Variants in PCSK2 observed in about 807,000 individuals in gnomAD.
The protein encoded by PCSK2 is neuroendocrine convertase 2.
In PCSK2, 14 loss-of-function variants were observed where a neutral mutation model predicts 69.7. That is an observed-to-expected ratio of 0.20 (90% CI 0.13 to 0.31). The LOEUF is 0.31. Among genes scored for constraint, PCSK2 ranks in the 10% least tolerant of loss-of-function variants. PCSK2 has a pLI of 1.00. For synonymous variants in PCSK2, 307 were observed against 320.7 expected, an observed-to-expected ratio of 0.96 and a Z score of 0.46; for missense variants, 544 against 842.5, an observed-to-expected ratio of 0.65 and a Z score of 4.39.
At chr20:17,465,638 T>A in intron 11 of PCSK2, 85 bp downstream of exon 11, 2 of 813,970 alleles carry the variant, frequency 2.5e-6, no homozygotes, top group Non-Finnish European at 3.9e-6. Context: ...TCACATTCCC[T>A]CTTCATGTTT....
At chr20:17,276,590 T>C (rs959802028) in intron 2 of PCSK2, among the ~76,000 whole-genome samples, 2 of 152,118 alleles carry the variant, frequency 1.3e-5, no homozygotes, top group African/African-American at 2.4e-5. Context: ...TATTTACAGC[T>C]GAGCCATTTA....
At chr20:17,238,624 A>G (rs1352457804) in intron 1 of PCSK2, among the ~76,000 whole-genome samples, 5 of 152,166 alleles carry the variant, frequency 3.3e-5, no homozygotes, top group Admixed American at 1.3e-4. Flanking sequence ...TGGATGAGAT[A>G]GACAACTAGA....
intron 1 of PCSK2, among the ~76,000 whole-genome samples, chr20:17,246,366 C>T (rs1340041168): frequency 1.3e-5 from 2 of 152,046 alleles, no homozygotes; most frequent in East Asian, 1.9e-4. Context: ...TGGGTTGGAG[C>T]GGCTCTATTA....
chr20:17,434,938 A>G (rs2123348004), intron 7 of PCSK2, among the ~76,000 whole-genome samples: 1 of 152,346 alleles, frequency 6.6e-6, no homozygotes, highest in South Asian at 2.1e-4. Flanking sequence ...ATAAATAAAA[A>G]CATAGGTGGA....
chr20:17,358,257 A>C, intron 2 of PCSK2, 70 bp from the exon 3 acceptor site: 10 of 998,584 alleles, frequency 1.0e-5, no homozygotes, highest in Non-Finnish European at 1.6e-5. Context: ...ATTTGGATTC[A>C]TGGAAACAAA....
intron 2 of PCSK2, among the ~76,000 whole-genome samples, chr20:17,287,987 T>C (rs146733679): frequency 3.3e-5 from 5 of 152,314 alleles, no homozygotes; most frequent in Non-Finnish European, 2.9e-5. Context: ...TGTTTTTCCT[T>C]TCTGTCCCAG....
intron 6 of PCSK2, among the ~76,000 whole-genome samples, chr20:17,418,384 C>T (rs62201049): frequency 6.6e-6 from 1 of 151,878 alleles, no homozygotes; most frequent in Non-Finnish European, 1.5e-5. Flanking sequence ...TATCCCAGGG[C>T]AAGGATATAA....
At chr20:17,261,648 A>G (rs950237009) in intron 2 of PCSK2, among the ~76,000 whole-genome samples, 27 of 152,188 alleles carry the variant, frequency 1.8e-4, no homozygotes, top group Admixed American at 2.6e-4. Context: ...ATTCTATGTG[A>G]TAATAACCTT....
chr20:17,270,717 T>C (rs1175929805), intron 2 of PCSK2, among the ~76,000 whole-genome samples: 1 of 152,130 alleles, frequency 6.6e-6, no homozygotes, highest in East Asian at 1.9e-4. Flanking sequence ...AGAATCAACA[T>C]GAGAAAGTTT....
rs530398044 is a variant in PCSK2, at chr20:17,330,634, T to TTAAAA, written c.283-27673_283-27669dup. Among the ~76,000 whole-genome samples the TTAAAA allele has an allele frequency of 5.3e-3, 803 of 151,706 alleles. 6 individuals are homozygous for TTAAAA. The highest frequency in any genetic ancestry group is 8.3e-3 in the Non-Finnish European group (561 of 67,916). Reference sequence around the variant, plus strand: ...TTCATCTCAAATAAAAATACATAAATTAAAATAAAATAAAATAAAATAAAG... The same window carrying TTAAAA: ...TTCATCTCAAATAAAAATACATAAATTAAAATAAAATAAAATAAAATAAAATAAAG... On this transcript the variant is annotated intron_variant, in intron 2 of 11. Transcript: ENST00000262545.
At chr20:17,432,347 TCCGTGACATGTAGAC>T (rs1053212807) in intron 7 of PCSK2, among the ~76,000 whole-genome samples, 4 of 152,196 alleles carry the variant, frequency 2.6e-5, no homozygotes, top group Admixed American at 6.5e-5. Context: ...CATTTCAAAC[TCCGTGACATGTAGAC>T]CCGCACATAC....
chr20:17,359,165 A>C (rs56880679), intron 3 of PCSK2, among the ~76,000 whole-genome samples: 2,140 of 152,350 alleles, frequency 0.014, 56 homozygotes, highest in African/African-American at 0.05. Context: ...ATTTAAGATT[A>C]AAAAGTGATG....
Position 17,484,435 on chromosome 20 carries a change from A to G in PCSK2, c.*2365A>G, listed in dbSNP as rs45544741. ...ATCCTAACTGAAGAGACAGTTATTT[A>G]TAGTCATTTATTTTAAAAAATGAAA... is the stretch of plus-strand genomic sequence containing the variant. On this transcript the variant is annotated 3_prime_UTR_variant, in exon 12 of 12. Coordinates refer to ENST00000262545, the MANE Select transcript of PCSK2 (RefSeq NM_002594.5). 6.6e-6 allele frequency: 1 copy of G among 152,556 alleles called. No homozygotes were observed. Among genetic ancestry groups the G allele is most frequent in the African/African-American group, 2.4e-5 (1 of 41,440 alleles). 9.5% of individuals were successfully genotyped at this position (152,556 alleles called of 1,614,324 possible). A position where few individuals can be genotyped will look rare whatever the true frequency, so the allele number is the denominator to read the frequency against.
intron 1 of PCSK2, among the ~76,000 whole-genome samples, chr20:17,257,341 C>T (rs988657716): frequency 2.6e-5 from 4 of 152,180 alleles, no homozygotes; most frequent in Non-Finnish European, 5.9e-5. Flanking sequence ...TAAATTAGTT[C>T]AACCATTGTG....
At chr20:17,390,186 G>T (rs1237556842) in intron 5 of PCSK2, among the ~76,000 whole-genome samples, 1 of 152,154 alleles carries the variant, frequency 6.6e-6, no homozygotes, top group Non-Finnish European at 1.5e-5. Flanking sequence ...TTTACATGAA[G>T]CTCTAAAGCC....
At chr20:17,303,337 A>G (rs527636738) in intron 2 of PCSK2, among the ~76,000 whole-genome samples, 1 of 134,778 alleles carries the variant, frequency 7.4e-6, no homozygotes, top group Non-Finnish European at 1.5e-5. Flanking sequence ...TATTACATAT[A>G]ATATATAATA....
intron 5 of PCSK2, among the ~76,000 whole-genome samples, chr20:17,383,297 T>G (rs1321864754): frequency 6.6e-6 from 1 of 152,222 alleles, no homozygotes; most frequent in Non-Finnish European, 1.5e-5. Flanking sequence ...AACACCAGCA[T>G]TTTGTTATGA....
intron 2 of PCSK2, among the ~76,000 whole-genome samples, chr20:17,342,118 T>A (rs1451152529): frequency 6.6e-6 from 1 of 152,188 alleles, no homozygotes; most frequent in African/African-American, 2.4e-5. Context: ...ATACTGTAAA[T>A]GTTCTTGAGT....
chr20:17,306,333 C>T (rs1466816709), intron 2 of PCSK2, among the ~76,000 whole-genome samples: 1 of 152,022 alleles, frequency 6.6e-6, no homozygotes, highest in East Asian at 1.9e-4. Flanking sequence ...CCCAAAAAAA[C>T]GCATAAAAAT....
Sources: gnomAD v4.1 joint callset for allele counts (sites outside exome capture counted in the v4.1 genomes callset) on GRCh38, gnomAD v4.1.1 for gene constraint, MANE v1.5 for transcripts, NCBI Gene and HGNC (gene_info 2026-07-23, HGNC 2026-07-21) for gene names.